HPGDS: variants seen among roughly 807,000 people sequenced by gnomAD.
HPGDS encodes the protein GST class-sigma.
In HPGDS, 26 loss-of-function variants were observed where a neutral mutation model predicts 23.1. The ratio of observed to expected loss-of-function variants is 1.13; its 90% confidence interval spans 0.83 to 1.56. HPGDS has a LOEUF of 1.56. Among genes scored for constraint, HPGDS ranks in the 40% most tolerant of loss-of-function variants. The pLI is 0.00. For missense variants in HPGDS, 268 were observed against 236.4 expected (o/e 1.13, Z -0.88); for synonymous variants, 95 against 77.9 (o/e 1.22, Z -1.16).
At chr4:94,309,990 A>G (rs1040157894) in intron 3 of HPGDS, among the ~76,000 whole-genome samples, 13 of 151,992 alleles carry the variant, frequency 8.6e-5, no homozygotes, top group African/African-American at 2.7e-4. Flanking sequence ...TGCTTTTTTC[A>G]TGCAAATATG....
At position 94,314,732 on chromosome 4, in the gene HPGDS, C is replaced by T. The variant is rs928006577; in HGVS notation, c.226+3141G>A. ...CTTTTGTTTGGCTATGCCCTGCCCC[C>T]AGAGGTGGAGTCTACGGAGGCAGGC... On this transcript the variant is annotated intron_variant, in intron 3 of 5. Transcript: ENST00000295256. 9.2e-5 allele frequency among the ~76,000 whole-genome samples: 14 copies of T among 152,202 alleles called. 1 individual carries two copies. Among genetic ancestry groups the T allele is most frequent in the Non-Finnish European group, 2.1e-4 (14 of 68,042 alleles).
chr4:94,315,025 G>A (rs966415966), intron 3 of HPGDS, among the ~76,000 whole-genome samples: 27 of 152,160 alleles, frequency 1.8e-4, no homozygotes, highest in African/African-American at 6.5e-4. Flanking sequence ...CGATTTTCCA[G>A]GTGCCGTCTG....
chr4:94,320,367 C>T (rs1294716444), intron 2 of HPGDS, among the ~76,000 whole-genome samples: 2 of 152,178 alleles, frequency 1.3e-5, no homozygotes. Context: ...AACTAGTTTA[C>T]AGTCCCACCA....
At chr4:94,311,364 C>T (rs1360221695) in intron 3 of HPGDS, among the ~76,000 whole-genome samples, 1 of 151,264 alleles carries the variant, frequency 6.6e-6, no homozygotes, top group Admixed American at 6.6e-5. Context: ...GGAATTGTGT[C>T]CAAGGCCTTT....
chr4:94,332,323 G>A (rs1344281752), intron 2 of HPGDS, among the ~76,000 whole-genome samples: 1 of 152,148 alleles, frequency 6.6e-6, no homozygotes, highest in Admixed American at 6.5e-5. Context: ...AACAGCTTGG[G>A]ACCCACTAAG....
chr4:94,311,348 G>A (rs1469286247), intron 3 of HPGDS, among the ~76,000 whole-genome samples: 1 of 151,278 alleles, frequency 6.6e-6, no homozygotes, highest in Non-Finnish European at 1.5e-5. Flanking sequence ...TAGCATGAAG[G>A]GCTGTGGAAT....
intron 2 of HPGDS, among the ~76,000 whole-genome samples, chr4:94,320,496 A>G (rs1321636550): frequency 6.6e-6 from 1 of 152,098 alleles, no homozygotes; most frequent in Non-Finnish European, 1.5e-5. Context: ...TTTGATTTGC[A>G]TTTCTGTGAT....
intron 2 of HPGDS, among the ~76,000 whole-genome samples, chr4:94,328,748 T>C (rs79341226): frequency 0.016 from 2,473 of 152,326 alleles, 56 homozygotes; most frequent in African/African-American, 0.055. Context: ...GACTACGTAA[T>C]ACTTTGCCAT....
intron 4 of HPGDS, among the ~76,000 whole-genome samples, 175 bp from the exon 5 acceptor site, chr4:94,302,419 A>C (rs1297188440): frequency 1.3e-5 from 2 of 152,076 alleles, no homozygotes; most frequent in African/African-American, 4.8e-5. Context: ...TTCTCTATAG[A>C]TGTGAGTCAT....
chr4:94,311,840 T>C (rs1403026995), intron 3 of HPGDS, among the ~76,000 whole-genome samples: 7 of 151,318 alleles, frequency 4.6e-5, no homozygotes, highest in Non-Finnish European at 7.4e-5. Context: ...TATTCAGAGA[T>C]TCAACTTCTT....
intron 2 of HPGDS, among the ~76,000 whole-genome samples, chr4:94,325,245 A>C (rs1756606723): frequency 6.6e-6 from 1 of 152,190 alleles, no homozygotes; most frequent in Non-Finnish European, 1.5e-5. Flanking sequence ...TCAGGGACCC[A>C]GTTGAGGAGG....
chr4:94,304,319 G>T (rs1756101588), intron 4 of HPGDS, among the ~76,000 whole-genome samples: 1 of 152,094 alleles, frequency 6.6e-6, no homozygotes, highest in South Asian at 2.1e-4. Flanking sequence ...ATGAGGAAAT[G>T]GAAACACAGA....
At chr4:94,301,339 A>G (rs1277970103) in intron 5 of HPGDS, among the ~76,000 whole-genome samples, 1 of 152,184 alleles carries the variant, frequency 6.6e-6, no homozygotes, top group African/African-American at 2.4e-5. Context: ...CTGGTTGTCT[A>G]ACTTTTTTGT....
At chr4:94,314,204 G>A (rs1422040128) in intron 3 of HPGDS, among the ~76,000 whole-genome samples, 3 of 152,190 alleles carry the variant, frequency 2.0e-5, no homozygotes, top group African/African-American at 4.8e-5. Context: ...CTTTGGAGGA[G>A]GAGAGGTGCT....
At chr4:94,305,889 C>T (rs1410759045) in intron 4 of HPGDS, among the ~76,000 whole-genome samples, 1 of 152,048 alleles carries the variant, frequency 6.6e-6, no homozygotes, top group African/African-American at 2.4e-5. Flanking sequence ...TGTCTGGGCT[C>T]AGTTCACAGT....
intron 3 of HPGDS, among the ~76,000 whole-genome samples, chr4:94,317,439 A>G (rs1426842513): frequency 6.6e-6 from 1 of 151,996 alleles, no homozygotes; most frequent in Non-Finnish European, 1.5e-5. Flanking sequence ...GAAACTCCCT[A>G]TTTTTTTCAG....
chr4:94,320,016 G>T (rs996065947), intron 2 of HPGDS, among the ~76,000 whole-genome samples: 1 of 152,074 alleles, frequency 6.6e-6, no homozygotes, highest in Non-Finnish European at 1.5e-5. Flanking sequence ...GCAGTGTTTG[G>T]TTTTCTGTCC....
rs770568393 is a variant in HPGDS at position 94,299,446 on chromosome 4, C to T, written c.*34G>A. On this transcript the variant is annotated 3_prime_UTR_variant, in exon 6 of 6. Transcript: ENST00000295256. ...TCTTATCTGATGAGAGAGATGCCCC[C>T]GAGAAAAACAAACTTGAAGGCAACA... The T allele has an allele frequency of 3.4e-5, 54 of 1,571,540 alleles. No homozygotes were observed. The highest frequency in any genetic ancestry group is 3.7e-5 in the Non-Finnish European group (43 of 1,155,676).
At chr4:94,303,661 T>G (rs17021463) in intron 4 of HPGDS, 86,924 of 152,022 alleles carry the variant, frequency 0.57, 25,042 homozygotes, top group East Asian at 0.72. Context: ...AGTGAGTCGA[T>G]AACCATGTGG....
Sources: gnomAD v4.1 joint callset for allele counts (sites outside exome capture counted in the v4.1 genomes callset) on GRCh38, gnomAD v4.1.1 for gene constraint, MANE v1.5 for transcripts, NCBI Gene and HGNC (gene_info 2026-07-23, HGNC 2026-07-21) for gene names.